Variants in SUFU observed in about 807,000 individuals in gnomAD.
SUFU encodes SUFU negative regulator of hedgehog signaling, also known as suppressor of fused homolog.
SUFU carries 7 observed loss-of-function variants against 58.9 expected under a neutral mutation model. The ratio of observed to expected loss-of-function variants is 0.12; its 90% CI spans 0.07 to 0.22. The LOEUF is 0.22. Ranked by LOEUF, SUFU falls within the 10% of genes least tolerant of loss-of-function variation. The pLI, the probability that SUFU is intolerant of heterozygous loss-of-function variation, is 1.00. For missense variants in SUFU, 451 were observed against 641.3 expected, an observed-to-expected ratio of 0.70 and a Z score of 3.20; for synonymous variants, 232 against 254.8, an observed-to-expected ratio of 0.91 and a Z score of 0.85.
intron 2 of SUFU, among the ~76,000 whole-genome samples, chr10:102,535,501 GAA>G (rs749430157): frequency 1.5e-4 from 23 of 150,448 alleles, no homozygotes; most frequent in Non-Finnish European, 3.0e-4. Flanking sequence ...AAAAAAAAGA[GAA>G]AGAAAAGAAA....
chr10:102,535,282 C>G (rs1333674841), intron 2 of SUFU, among the ~76,000 whole-genome samples: 1 of 151,862 alleles, frequency 6.6e-6, no homozygotes, highest in African/African-American at 2.4e-5. Flanking sequence ...GTCTGGAGTT[C>G]GAGACCATCC....
At chr10:102,614,766 C>T (rs1180370669) in intron 8 of SUFU, among the ~76,000 whole-genome samples, 2 of 151,702 alleles carry the variant, frequency 1.3e-5, no homozygotes, top group Non-Finnish European at 2.9e-5. Context: ...ATCCCAGCTA[C>T]TCGGGAGGCT....
intron 2 of SUFU, among the ~76,000 whole-genome samples, chr10:102,525,612 C>A (rs1296267008): frequency 1.3e-5 from 2 of 152,154 alleles, no homozygotes; most frequent in African/African-American, 4.8e-5. Context: ...CAGCGATTCT[C>A]CTGCCTCAGT....
chr10:102,504,539 G>A (rs766514604), intron 1 of SUFU, among the ~76,000 whole-genome samples: 7 of 151,816 alleles, frequency 4.6e-5, no homozygotes, highest in African/African-American at 1.5e-4. Flanking sequence ...GGTACTGAGG[G>A]GTTAACCGGG....
At chr10:102,525,081 T>A (rs1443248957) in intron 2 of SUFU, among the ~76,000 whole-genome samples, 1 of 152,194 alleles carries the variant, frequency 6.6e-6, no homozygotes, top group East Asian at 1.9e-4. Flanking sequence ...GGAAAAATTG[T>A]CTGAACCTTG....
chr10:102,510,859 G>A (rs2062392353), intron 2 of SUFU, among the ~76,000 whole-genome samples: 2 of 151,476 alleles, frequency 1.3e-5, no homozygotes, highest in South Asian at 2.1e-4. Context: ...GGTGGCTCAC[G>A]CCTATAATCC....
chr10:102,538,273 G>A (rs1216911511), intron 2 of SUFU, among the ~76,000 whole-genome samples: 2 of 151,864 alleles, frequency 1.3e-5, no homozygotes, highest in African/African-American at 4.8e-5. Flanking sequence ...ATATAATACC[G>A]CTACTTGTAG....
At position 102,607,060 on chromosome 10, in the gene SUFU, A is replaced by ATT. The variant is rs34836365; in HGVS notation, c.1022+7531_1022+7532dup. ...GATGTGTGGACCATTGGTAAGAGTA[A>ATT]TTTTTTTTTTTTTTTTGAGACGGCG... On this transcript the variant is annotated intron_variant, in intron 8 of 11. Transcript: ENST00000369902. 1.2e-3 allele frequency among the ~76,000 whole-genome samples: 167 copies of ATT among 143,934 alleles called. 1 individual carries two copies. The highest frequency in any genetic ancestry group is 7.5e-3 in the Middle Eastern group (2 of 268). 94.4% of individuals were successfully genotyped at this position (143,934 alleles called of 152,430 possible).
At position 102,629,012 on chromosome 10, in the gene SUFU, C is replaced by T. The variant is rs1221617334; in HGVS notation, c.1366-1054C>T. On this transcript the variant is annotated intron_variant, in intron 11 of 11. Transcript: ENST00000369902. This position sits in a 1 kb window ranked among gnomAD's most constrained non-coding sequence, Gnocchi z 4.7. ...CTCTACTAATAATACAATAATTAGC[C>T]GGGCTTGGTGGTGCATGCCTGTAAT... Among the ~76,000 whole-genome samples, 3 of 152,064 alleles carry T rather than the reference C, an allele frequency of 2.0e-5. No individual in the cohort carries two copies. The highest frequency in any genetic ancestry group is 4.8e-5 in the African/African-American group (2 of 41,414).
At position 102,615,418 on chromosome 10, in the gene SUFU, C is replaced by G. The variant is rs1224367146; in HGVS notation, c.1157+16C>G. 6.2e-7 allele frequency: 1 copy of G among 1,613,972 alleles called. No individual in the cohort carries two copies. The highest frequency in any genetic ancestry group is 8.5e-7 in the Non-Finnish European group (1 of 1,179,890). On this transcript the variant is annotated intron_variant, in intron 9 of 11. Transcript: ENST00000369902. ...TCTGCCTAAGGTGAGCGAGACAGCC[C>G]TGCCACACAGTTTACCCCACAGCAC...
At chr10:102,551,761 G>C (rs1331881158) in intron 3 of SUFU, among the ~76,000 whole-genome samples, 1 of 97,368 alleles carries the variant, frequency 1.0e-5, no homozygotes, top group African/African-American at 4.2e-5. Flanking sequence ...GTCTCACTCT[G>C]TCCCCCAGGC....
rs79594397 is a variant in SUFU at position 102,547,249 on chromosome 10, A to G, written c.318-2721A>G. The stretch of plus-strand genomic sequence containing the variant: ...CTTTACAGAGTTTTAACTCTAGTCA[A>G]TCTTGCATTACTCCATGTTTTCACA... On this transcript the variant is annotated intron_variant, in intron 2 of 11. Coordinates refer to ENST00000369902, the MANE Select transcript of SUFU (RefSeq NM_016169.4). Among the ~76,000 whole-genome samples, 1,372 of 152,238 alleles carry G rather than the reference A, an allele frequency of 9.0e-3. 18 individuals are homozygous for G. Among genetic ancestry groups the G allele is most frequent in the African/African-American group, 0.031 (1,295 of 41,520 alleles).
intron 2 of SUFU, among the ~76,000 whole-genome samples, chr10:102,548,497 A>C (rs567078685): frequency 1.3e-5 from 2 of 152,168 alleles, no homozygotes; most frequent in East Asian, 3.9e-4. Context: ...ACCTCTGATC[A>C]CCTGTTTCAG....
At chr10:102,582,944 C>A (rs1261581028) in intron 3 of SUFU, among the ~76,000 whole-genome samples, 1 of 152,262 alleles carries the variant, frequency 6.6e-6, no homozygotes, top group Non-Finnish European at 1.5e-5. Context: ...AATGAGGATA[C>A]CTTGGGGAGC....
At chr10:102,565,962 C>T (rs2063085113) in intron 3 of SUFU, among the ~76,000 whole-genome samples, 1 of 152,208 alleles carries the variant, frequency 6.6e-6, no homozygotes, top group African/African-American at 2.4e-5. Context: ...GAATGTGGCC[C>T]TTTTGTCTCT....
Position 102,580,029 on chromosome 10 carries a change from A to ACCCCCCCCCC in SUFU, c.455-12552_455-12543dup, listed in dbSNP as rs71474507. Among the ~76,000 whole-genome samples the ACCCCCCCCCC allele has an allele frequency of 9.6e-4, 81 of 84,648 alleles. 7 individuals are homozygous for ACCCCCCCCCC. The highest frequency in any genetic ancestry group is 1.6e-3 in the South Asian group (4 of 2,502). 55.5% of individuals were successfully genotyped at this position (84,648 alleles called of 152,430 possible). ...ATCTGTTTTGGGTCTCCTCCCCCGC[A>ACCCCCCCCCC]CCCCCCCCCCGCCCCCAGTTTGTTT... On this transcript the variant is annotated intron_variant, in intron 3 of 11. Transcript: ENST00000369902.
chr10:102,612,992 C>T (rs1486943609), intron 8 of SUFU, among the ~76,000 whole-genome samples: 1 of 152,128 alleles, frequency 6.6e-6, no homozygotes, highest in Non-Finnish European at 1.5e-5. Flanking sequence ...CTTGTTTGGG[C>T]CCTGAGGGCA....
At chr10:102,592,119 T>C (rs1461414663) in intron 3 of SUFU, among the ~76,000 whole-genome samples, 1 of 152,186 alleles carries the variant, frequency 6.6e-6, no homozygotes. Flanking sequence ...TCCTTCTGAG[T>C]GCCATTTCAG....
In SUFU at chr10:102,592,531, G is replaced by A. The variant is rs532470462; in HGVS notation, c.455-51G>A. On this transcript the variant is annotated intron_variant, in intron 3 of 11. Transcript: ENST00000369902. ...TAGTGAGATCCCAGCCCAGATTCCA[G>A]GCCTGGATCTGGGGCCTTGAACAAT... 38 of 1,611,286 alleles carry A rather than the reference G, an allele frequency of 2.4e-5. No individual in the cohort carries two copies. In the African/African-American group the frequency reaches 4.3e-4, roughly 18 times the overall value.
Sources: gnomAD v4.1 joint callset for allele counts (sites outside exome capture counted in the v4.1 genomes callset) on GRCh38, gnomAD v4.1.1 for gene constraint, Gnocchi (gnomAD v3.1) non-coding constraint, MANE v1.5 for transcripts, NCBI Gene and HGNC (gene_info 2026-07-23, HGNC 2026-07-21) for gene names.